Variants in AHRR observed in about 807,000 individuals in gnomAD.
AHRR encodes the protein aryl hydrocarbon receptor repressor, also known as ahR repressor.
Under a neutral mutation model 44.0 loss-of-function variants are expected in AHRR, and 28 were observed. The ratio of observed to expected loss-of-function variants is 0.64; its 90% confidence interval spans 0.47 to 0.87. AHRR has a LOEUF of 0.87. AHRR is among the 40% of genes least tolerant of loss of function. AHRR has a pLI of 0.00. For synonymous variants in AHRR, 434 were observed against 407.0 expected, an observed-to-expected ratio of 1.07 and a Z score of -0.80; for missense variants, 990 against 953.9, an observed-to-expected ratio of 1.04 and a Z score of -0.50.
chr5:401,304 C>T (rs908276926), intron 4 of AHRR, among the ~76,000 whole-genome samples: 5 of 152,236 alleles, frequency 3.3e-5, no homozygotes, highest in African/African-American at 9.6e-5. Context: ...GTTCCAGACA[C>T]AGCTGCTGGC....
chr5:341,586 G>A (rs1379694894), intron 1 of AHRR, among the ~76,000 whole-genome samples: 1 of 144,832 alleles, frequency 6.9e-6, no homozygotes, highest in Non-Finnish European at 1.5e-5. Flanking sequence ...GAGTGCAGCG[G>A]TGTTGGCTCA....
chr5:344,346 C>T (rs1421231956), intron 2 of AHRR, among the ~76,000 whole-genome samples: 4 of 149,226 alleles, frequency 2.7e-5, no homozygotes, highest in Admixed American at 2.7e-4. Flanking sequence ...GTGGCACGGC[C>T]GGGTGTGTGC....
In AHRR at chr5:337,078, G is replaced by GT. The variant is rs533821146; in HGVS notation, c.-10-6806dup. On this transcript the variant is annotated intron_variant, in intron 1 of 10. Coordinates refer to ENST00000684583, the MANE Select transcript of AHRR (RefSeq NM_001377236.1). This position sits in a 1 kb window ranked among gnomAD's most constrained non-coding sequence, Gnocchi z 4.1. ...ATGCCACAGTTTCTTTCTTTTTAAT[G>GT]TTTTTTTTTAAAGCCAAACATTTTA... is the stretch of plus-strand genomic sequence containing the variant. Among the ~76,000 whole-genome samples the GT allele has an allele frequency of 1.9e-3, 291 of 150,848 alleles. 1 individual carries two copies. The highest frequency in any genetic ancestry group is 3.8e-3 in the South Asian group (18 of 4,764).
At chr5:410,678 G>A (rs57179290) in intron 4 of AHRR, among the ~76,000 whole-genome samples, 34 of 152,272 alleles carry the variant, frequency 2.2e-4, no homozygotes, top group African/African-American at 8.2e-4. Context: ...GTTTATTCAG[G>A]TATTTTCTCA....
Position 434,122 on chromosome 5 carries a change from C to T in AHRR, c.1382C>T (p.Ser461Phe), listed in dbSNP as rs368382497. 2.8e-5 allele frequency: 45 copies of T among 1,612,434 alleles called. No homozygotes were observed. In the African/African-American group the frequency reaches 3.7e-4, roughly 13 times the overall value. The change falls in exon 11 of 11, where the codon TCC becomes TTC. Residue 461 changes from serine (S) to phenylalanine (F), a missense_variant. Coordinates refer to ENST00000684583, the MANE Select transcript of AHRR (RefSeq NM_001377236.1). Reference sequence around the variant, plus strand: ...CCGAGCCCGTCCCCCAGTGCCTACTCCAGCCGGACCAGCAGACCCATGCGG... The same window carrying T: ...CCGAGCCCGTCCCCCAGTGCCTACTTCAGCCGGACCAGCAGACCCATGCGG... ...HPPSPSPSAY[S>F]SRTSRPMRDV...
At chr5:366,628 G>A (rs1363904043) in intron 3 of AHRR, among the ~76,000 whole-genome samples, 3 of 152,046 alleles carry the variant, frequency 2.0e-5, no homozygotes, top group African/African-American at 7.2e-5. Context: ...TTGTAGTCTT[G>A]AACAAAATAT....
chr5:400,296 G>A (rs764130890), intron 4 of AHRR, among the ~76,000 whole-genome samples: 18 of 152,212 alleles, frequency 1.2e-4, no homozygotes, highest in Admixed American at 2.6e-4. Flanking sequence ...GGGTTTGACA[G>A]AGGAAGTTCC....
chr5:329,423 C>T lies in AHRR; in HGVS notation c.-11+7604C>T, dbSNP rs145141555. ...GTCTCACTGTGTTGTTCAGGCTGGTCTCAAACTCCTGGCCTCAAGCAGTCT... is the reference window on the plus strand; with the variant it reads ...GTCTCACTGTGTTGTTCAGGCTGGTTTCAAACTCCTGGCCTCAAGCAGTCT... On this transcript the variant is annotated intron_variant, in intron 1 of 10. Transcript: ENST00000684583. Among the ~76,000 whole-genome samples the T allele has an allele frequency of 5.4e-4, 82 of 152,324 alleles. 1 individual carries two copies. Among genetic ancestry groups the T allele is most frequent in the Non-Finnish European group, 1.0e-3 (69 of 68,026 alleles).
Position 413,359 on chromosome 5 carries a change from G to T in AHRR, c.367G>T (p.Ala123Ser). 1 of 1,609,566 alleles carries T rather than the reference G, an allele frequency of 6.2e-7. No homozygotes were observed. Among genetic ancestry groups the T allele is most frequent in the Non-Finnish European group, 8.5e-7 (1 of 1,178,072 alleles). Residue 123 changes from alanine to serine, a missense_variant, in exon 5 of 11, where the codon GCT becomes TCT. Ala to Ser is a moderately conservative substitution (Grantham distance 99). Transcript: ENST00000684583. Reference sequence around the variant, plus strand: ...TTTCTTCTAGTCTCTTAATGGCTTTGCTCTGGTCGTGAGTGCAGAAGGGAC... The same window carrying T: ...TTTCTTCTAGTCTCTTAATGGCTTTTCTCTGGTCGTGAGTGCAGAAGGGAC... Reference protein sequence around the residue: ...RLLLESLNGFALVVSAEGTIF... With the variant: ...RLLLESLNGFSLVVSAEGTIF...
chr5:377,771 C>T (rs1467662525), intron 4 of AHRR, among the ~76,000 whole-genome samples: 1 of 152,240 alleles, frequency 6.6e-6, no homozygotes, highest in African/African-American at 2.4e-5. Flanking sequence ...GGAGGGAGGC[C>T]TGGGCCTGGT....
intron 4 of AHRR, among the ~76,000 whole-genome samples, chr5:398,428 C>T (rs1347586502): frequency 6.6e-6 from 1 of 151,320 alleles, no homozygotes; most frequent in African/African-American, 2.4e-5. Context: ...TGACCATCCA[C>T]ATAAGCCCCT....
At chr5:344,948 G>GT (rs1742555710) in intron 2 of AHRR, among the ~76,000 whole-genome samples, 1 of 82,256 alleles carries the variant, frequency 1.2e-5, no homozygotes, top group Non-Finnish European at 2.7e-5. Context: ...GTGTGGGGGG[G>GT]GTGTGTGTGT....
chr5:353,627 C>T (rs561326108), intron 2 of AHRR, 103 bp from the exon 3 acceptor site: 80 of 1,080,096 alleles, frequency 7.4e-5, no homozygotes, highest in South Asian at 7.4e-4. Context: ...CTGGCAGCAG[C>T]GTAGATGCTC....
chr5:389,463 C>CGTAGCCGGAAATCCCAATGCGTGAT (rs1222794032), intron 4 of AHRR, among the ~76,000 whole-genome samples: 1 of 152,210 alleles, frequency 6.6e-6, no homozygotes, highest in Admixed American at 6.5e-5. Flanking sequence ...CCACGTGCTG[C>CGTAGCCGGAAATCCCAATGCGTGAT]GTAGCCGGAA....
chr5:407,804 T>C (rs925067847), intron 4 of AHRR, among the ~76,000 whole-genome samples: 2 of 152,248 alleles, frequency 1.3e-5, no homozygotes, highest in African/African-American at 4.8e-5. Flanking sequence ...CTCAAAATGC[T>C]GGGATTACAG....
rs368885290 is a variant in AHRR, at chr5:398,153, A to G, written c.352-15191A>G. Among the ~76,000 whole-genome samples the G allele has an allele frequency of 3.0e-3, 370 of 123,330 alleles. 4 individuals carry two copies. Among genetic ancestry groups the G allele is most frequent in the African/African-American group, 7.9e-3 (220 of 28,014 alleles). The allele number at this position is 123,330 out of a possible 152,430, so 80.9% of individuals were successfully genotyped here. A position where few individuals can be genotyped will look rare whatever the true frequency, so the allele number is the denominator to read the frequency against. ...TGACCGTCCATGTTAGCCCCTGACCATCCACGTAGCCCCTGACCATCCACG... is the reference window on the plus strand; with the variant it reads ...TGACCGTCCATGTTAGCCCCTGACCGTCCACGTAGCCCCTGACCATCCACG... On this transcript the variant is annotated intron_variant, in intron 4 of 10. Transcript: ENST00000684583.
chr5:433,019 G>C, intron 10 of AHRR, 72 bp downstream of exon 10: 11 of 1,468,020 alleles, frequency 7.5e-6, no homozygotes, highest in African/African-American at 1.4e-5. Context: ...AAGAGCGGGT[G>C]GGGGAGTGAT....
chr5:365,704 A>C (rs1743333400), intron 3 of AHRR, among the ~76,000 whole-genome samples: 1 of 152,030 alleles, frequency 6.6e-6, no homozygotes, highest in African/African-American at 2.4e-5. Context: ...CAGTATTAGG[A>C]ATATAAAGAG....
intron 1 of AHRR, among the ~76,000 whole-genome samples, chr5:329,475 G>A (rs1019788695): frequency 3.9e-5 from 6 of 152,184 alleles, no homozygotes; most frequent in Non-Finnish European, 7.3e-5. Flanking sequence ...CAAAGTGCTA[G>A]GATTACAAGT....
Sources: gnomAD v4.1 joint callset for allele counts (sites outside exome capture counted in the v4.1 genomes callset) on GRCh38, gnomAD v4.1.1 for gene constraint, Gnocchi (gnomAD v3.1) non-coding constraint, MANE v1.5 for transcripts, NCBI Gene and HGNC (gene_info 2026-07-23, HGNC 2026-07-21) for gene names.